DECR2: variants seen among roughly 807,000 people sequenced by gnomAD.
DECR2 encodes the protein peroxisomal 2,4-dienoyl-CoA reductase [(3E)-enoyl-CoA-producing].
A neutral mutation model predicts 29.2 loss-of-function variants in DECR2; 34 were observed. The observed-to-expected ratio is 1.16, with a 90% CI of 0.89 to 1.55. DECR2 has a LOEUF of 1.55. Among genes scored for constraint, DECR2 ranks in the 40% most tolerant of loss-of-function variants. DECR2 has a pLI of 0.00. For synonymous variants in DECR2, 224 were observed against 182.7 expected, an observed-to-expected ratio of 1.23 and a Z score of -1.82; for missense variants, 485 against 425.3, an observed-to-expected ratio of 1.14 and a Z score of -1.23.
At chr16:403,735 G>A (rs757826251) in intron 1 of DECR2, among the ~76,000 whole-genome samples, 3 of 152,180 alleles carry the variant, frequency 2.0e-5, no homozygotes, top group Non-Finnish European at 4.4e-5. Context: ...AAAATTAGCT[G>A]GGCACTCTGG....
At chr16:403,772 G>A (rs985877001) in intron 1 of DECR2, among the ~76,000 whole-genome samples, 5 of 152,284 alleles carry the variant, frequency 3.3e-5, no homozygotes, top group Admixed American at 3.3e-4. Context: ...CAGCTACTGG[G>A]GAGGCTGAAG....
chr16:412,085 G>C lies in DECR2; in HGVS notation c.*196G>C, dbSNP rs2054825557. The C allele has an allele frequency of 6.4e-6, 1 of 155,104 alleles. No individual in the cohort carries two copies. Among genetic ancestry groups the C allele is most frequent in the Admixed American group, 6.4e-5 (1 of 15,532 alleles). 9.6% of individuals were successfully genotyped at this position (155,104 alleles called of 1,614,324 possible). On this transcript the variant is annotated 3_prime_UTR_variant, in exon 9 of 9. Coordinates refer to ENST00000219481, the MANE Select transcript of DECR2 (RefSeq NM_020664.4). Reference sequence around the variant, plus strand: ...CCGTGGAGCTGCCACGCAGGTGCCTGAGGGCCAGGTGCCACGCAGGTGTCT... The same window carrying C: ...CCGTGGAGCTGCCACGCAGGTGCCTCAGGGCCAGGTGCCACGCAGGTGTCT...
At chr16:403,449 TAATA>T (rs977966548) in intron 1 of DECR2, among the ~76,000 whole-genome samples, 15 of 152,318 alleles carry the variant, frequency 9.8e-5, no homozygotes, top group African/African-American at 3.4e-4. Flanking sequence ...AGAAAATCTC[TAATA>T]AATAAAAAAG....
intron 1 of DECR2, chr16:403,075 A>T (rs2054686324): frequency 1.0e-6 from 1 of 974,862 alleles, no homozygotes; most frequent in Non-Finnish European, 1.2e-6. Flanking sequence ...TTTTTTTTCG[A>T]AACGGAGTCT....
chr16:405,123 T>A lies in DECR2; in HGVS notation c.149+99T>A. 2.1e-6 allele frequency: 3 copies of A among 1,428,590 alleles called. No homozygotes were observed. The South Asian group carries it at 3.5e-5, about 17-fold the overall frequency. The allele number at this position is 1,428,590 out of a possible 1,614,324, so 88.5% of individuals were successfully genotyped here. A position where few individuals can be genotyped will look rare whatever the true frequency, so the allele number is the denominator to read the frequency against. ...GAAAGATGTTGGTGGGAGGTAGATG[T>A]CCCCTGCTCACCTACCCGACAGGAT... On this transcript the variant is annotated intron_variant, in intron 2 of 8. Coordinates refer to ENST00000219481, the MANE Select transcript of DECR2 (RefSeq NM_020664.4).
At position 411,462 on chromosome 16, in the gene DECR2, C is replaced by T. The variant is rs2054818341; in HGVS notation, c.763C>T (p.Pro255Ser). ...IAHSVLYLAS[P>S]LASYVTGAVL... ...CCACAGCGTGCTCTACCTGGCCAGC[C>T]CTCTGGCTTCCTACGTGACGGGGGC... The change falls in exon 8 of 9, where the codon CCT (proline) becomes TCT (serine). Residue 255 changes from proline to serine, a missense_variant. Physicochemically the swap from Pro to Ser is moderately conservative, Grantham distance 74. Transcript: ENST00000219481. 1.2e-6 allele frequency: 2 copies of T among 1,613,882 alleles called. No homozygotes were observed. The highest frequency in any genetic ancestry group is 1.1e-5 in the South Asian group (1 of 91,084).
intron 7 of DECR2, 123 bp from the exon 8 acceptor site, chr16:411,238 G>T (rs559322911): frequency 7.3e-5 from 88 of 1,197,472 alleles, no homozygotes; most frequent in Non-Finnish European, 6.7e-5. Context: ...CTCCATGCTA[G>T]GCCTTGGTGA....
At position 411,092 on chromosome 16, in the gene DECR2, A is replaced by G. The variant is rs779039524; in HGVS notation, c.661+16A>G. ...CGGCGACTGGGTAAGGCTCTCAGGG[A>G]GCCCAGGCCTCCCACAGATCCTCTC... is the stretch of plus-strand genomic sequence containing the variant. On this transcript the variant is annotated intron_variant, in intron 7 of 8. Coordinates refer to ENST00000219481, the MANE Select transcript of DECR2 (RefSeq NM_020664.4). 4.4e-5 allele frequency: 66 copies of G among 1,488,722 alleles called. No homozygotes were observed. Among genetic ancestry groups the G allele is most frequent in the Non-Finnish European group, 5.5e-5 (62 of 1,122,112 alleles). The allele number at this position is 1,488,722 out of a possible 1,614,324, so 92.2% of individuals were successfully genotyped here.
At chr16:408,276 C>CG (rs1567341028) in intron 4 of DECR2, among the ~76,000 whole-genome samples, 16 of 142,058 alleles carry the variant, frequency 1.1e-4, no homozygotes, top group African/African-American at 2.1e-4. Flanking sequence ...CCTCTGTCTC[C>CG]GGCCCCATCT....
At position 405,127 on chromosome 16, in the gene DECR2, C is replaced by G; in HGVS notation, c.149+103C>G. 2.2e-6 allele frequency: 3 copies of G among 1,385,434 alleles called. 1 individual carries two copies. Among genetic ancestry groups the G allele is most frequent in the Non-Finnish European group, 3.1e-6 (3 of 981,458 alleles). The allele number at this position is 1,385,434 out of a possible 1,614,324, so 85.8% of individuals were successfully genotyped here. A position where few individuals can be genotyped will look rare whatever the true frequency, so the allele number is the denominator to read the frequency against. On this transcript the variant is annotated intron_variant, in intron 2 of 8. Coordinates refer to ENST00000219481, the MANE Select transcript of DECR2 (RefSeq NM_020664.4). ...GATGTTGGTGGGAGGTAGATGTCCC[C>G]TGCTCACCTACCCGACAGGATCCAG...
At chr16:402,321 A>AG (rs1478748669) in intron 1 of DECR2, among the ~76,000 whole-genome samples, 1 of 151,558 alleles carries the variant, frequency 6.6e-6, no homozygotes, top group East Asian at 1.9e-4. Flanking sequence ...TTTAGTAGAG[A>AG]GGGGGTGTCA....
At chr16:406,782 GAAC>G in intron 3 of DECR2, 1 of 723,616 alleles carries the variant, frequency 1.4e-6, no homozygotes, top group Non-Finnish European at 1.8e-6. Context: ...TTACAGGTGT[GAAC>G]CACTGTGCCC....
intron 8 of DECR2, 140 bp from the exon 9 acceptor site, chr16:411,750 C>T (rs1158779584): frequency 6.0e-6 from 4 of 666,076 alleles, no homozygotes; most frequent in East Asian, 3.0e-5. Context: ...GAGCAGGAGG[C>T]GGGCGCTGGT....
intron 3 of DECR2, chr16:407,223 G>C: frequency 7.1e-7 from 1 of 1,401,196 alleles, no homozygotes; most frequent in Non-Finnish European, 9.3e-7. Flanking sequence ...ACAGGTGGCA[G>C]GTGGGGGGAG....
At chr16:403,942 G>A (rs569027858) in intron 1 of DECR2, among the ~76,000 whole-genome samples, 13 of 152,190 alleles carry the variant, frequency 8.5e-5, no homozygotes, top group Middle Eastern at 3.4e-3. Flanking sequence ...GGGAGGCCGA[G>A]GTGGGTGGAT....
At chr16:409,358 G>C (rs1371029580) in intron 4 of DECR2, among the ~76,000 whole-genome samples, 8 of 148,884 alleles carry the variant, frequency 5.4e-5, no homozygotes, top group Non-Finnish European at 8.9e-5. Context: ...TTTTACTAGA[G>C]ATGGGGTTTC....
Position 401,925 on chromosome 16 carries a change from C to G in DECR2, c.-39C>G. Reference sequence around the variant, plus strand: ...CGCCGGGTCCTGGAGGCCGAGGCCGCTCCCGCCCGTTGTCCCCGCAGTCCC... The same window carrying G: ...CGCCGGGTCCTGGAGGCCGAGGCCGGTCCCGCCCGTTGTCCCCGCAGTCCC... On this transcript the variant is annotated 5_prime_UTR_variant, in exon 1 of 9. Coordinates refer to ENST00000219481, the MANE Select transcript of DECR2 (RefSeq NM_020664.4). The G allele has an allele frequency of 6.8e-7, 1 of 1,471,052 alleles. No homozygotes were observed. The allele number at this position is 1,471,052 out of a possible 1,614,324, so 91.1% of individuals were successfully genotyped here.
At chr16:411,599 C>G (rs1357850295) in intron 8 of DECR2, 21 bp downstream of exon 8, 1 of 1,594,452 alleles carries the variant, frequency 6.3e-7, no homozygotes, top group African/African-American at 1.3e-5. Context: ...GCTCCCGCTT[C>G]TTGGGGTCAT....
chr16:409,509 A>G (rs887159713), intron 4 of DECR2: 4 of 152,068 alleles, frequency 2.6e-5, no homozygotes, highest in African/African-American at 7.2e-5. Flanking sequence ...TTTATAGAAT[A>G]ATTAATAGTA....
Sources: allele counts gnomAD v4.1 joint callset (sites outside exome capture counted in the v4.1 genomes callset), GRCh38; gene constraint gnomAD v4.1.1; transcripts MANE v1.5; gene names NCBI Gene and HGNC (gene_info 2026-07-23, HGNC 2026-07-21).